The following ANO3 variants were observed in gnomAD, a reference collection of about 807,000 sequenced individuals.
ANO3 encodes the protein anoctamin 3, also known as anoctamin-3.
ANO3 carries 99 observed loss-of-function variants against 144.8 expected under a neutral mutation model. That is an observed-to-expected ratio of 0.68 (90% CI 0.58 to 0.81). The LOEUF is 0.81. Among genes scored for constraint, ANO3 ranks in the 30% least tolerant of loss-of-function variants. ANO3 has a pLI of 0.00. For synonymous variants in ANO3, 414 were observed against 392.6 expected (o/e 1.05, Z -0.64); for missense variants, 905 against 1,202.2 (o/e 0.75, Z 3.66).
At chr11:26,266,159 T>C (rs1320546264) in intron 1 of ANO3, among the ~76,000 whole-genome samples, 1 of 152,210 alleles carries the variant, frequency 6.6e-6, no homozygotes, top group East Asian at 1.9e-4. Flanking sequence ...GGATTTTTTT[T>C]CATCTACCTC....
intron 1 of ANO3, among the ~76,000 whole-genome samples, chr11:26,231,851 T>C (rs1286877665): frequency 6.6e-6 from 1 of 152,112 alleles, no homozygotes; most frequent in Non-Finnish European, 1.5e-5. Flanking sequence ...TTATTTGGAG[T>C]CAAACAGTCC....
At chr11:26,535,294 A>G in intron 9 of ANO3, among the ~76,000 whole-genome samples, 1 of 152,250 alleles carries the variant, frequency 6.6e-6, no homozygotes, top group East Asian at 1.9e-4. Context: ...ATGCTACAAC[A>G]TGTATAATAC....
upstream of ANO3, among the ~76,000 whole-genome samples, chr11:26,307,721 AAATAATAATAAT>A (rs56805697): frequency 4.0e-4 from 57 of 142,502 alleles, 1 homozygote; most frequent in African/African-American, 1.1e-3. Context: ...CTCCGTCTCT[AAATAATAATAAT>A]AATAATAATA....
At chr11:26,377,899 A>G (rs955802537) in intron 1 of ANO3, among the ~76,000 whole-genome samples, 1 of 152,162 alleles carries the variant, frequency 6.6e-6, no homozygotes, top group Non-Finnish European at 1.5e-5. Context: ...ATCACTGTCC[A>G]TGCAGAATTG....
At chr11:26,407,070 G>GTATATATATATATATA (rs202060948) in intron 1 of ANO3, among the ~76,000 whole-genome samples, 70 of 101,364 alleles carry the variant, frequency 6.9e-4, no homozygotes, top group Admixed American at 1.7e-3. Flanking sequence ...GTGTGTGTGT[G>GTATATATATATATATA]TGTGTGTATA....
At chr11:26,640,190 C>G (rs1853103424) in intron 21 of ANO3, among the ~76,000 whole-genome samples, 1 of 146,372 alleles carries the variant, frequency 6.8e-6, no homozygotes, top group South Asian at 2.3e-4. Flanking sequence ...CTTCTCTCTT[C>G]CTTGCTAAAT....
At chr11:26,624,519 TCACTCCTTAGTCAGAAAATAA>T in intron 18 of ANO3, 21 bp downstream of exon 18, 1 of 1,580,602 alleles carries the variant, frequency 6.3e-7, no homozygotes, top group Non-Finnish European at 8.7e-7. Context: ...TTTTCTTACT[TCACTCCTTAGTCAGAAAATAA>T]CATATGGGCA....
intron 20 of ANO3, 112 bp from the exon 21 acceptor site, chr11:26,639,032 C>G: frequency 1.5e-6 from 1 of 668,742 alleles, no homozygotes; most frequent in Non-Finnish European, 2.6e-6. Context: ...TTTCTTTATG[C>G]ATGAGATGGT....
intron 20 of ANO3, among the ~76,000 whole-genome samples, chr11:26,635,699 T>C (rs913349569): frequency 6.6e-6 from 1 of 152,236 alleles, no homozygotes; most frequent in Non-Finnish European, 1.5e-5. Flanking sequence ...GTTTCTATAA[T>C]TATGAATGAG....
At chr11:26,216,503 T>C (rs898528656) in intron 1 of ANO3, among the ~76,000 whole-genome samples, 1 of 152,022 alleles carries the variant, frequency 6.6e-6, no homozygotes, top group African/African-American at 2.4e-5. Flanking sequence ...AGTATCACCC[T>C]TCATTTATCC....
At chr11:26,408,647 A>C (rs1208118839) in intron 1 of ANO3, among the ~76,000 whole-genome samples, 3 of 150,200 alleles carry the variant, frequency 2.0e-5, no homozygotes, top group African/African-American at 7.3e-5. Flanking sequence ...AGGATTATAA[A>C]TCATGCTGCT....
chr11:26,533,867 T>C (rs293943), intron 8 of ANO3, among the ~76,000 whole-genome samples: 107,100 of 152,068 alleles, frequency 0.7, 38,112 homozygotes, highest in East Asian at 0.84. Flanking sequence ...AAACAGAAAA[T>C]GTCAGAAGTT....
intron 1 of ANO3, among the ~76,000 whole-genome samples, chr11:26,421,158 A>G (rs563644283): frequency 2.6e-5 from 4 of 152,180 alleles, no homozygotes; most frequent in East Asian, 1.9e-4. Context: ...AGAGGATGTT[A>G]TGGAAATTAA....
rs1025053955 is a variant in ANO3, at chr11:26,629,782, C to T, written c.1874-4422C>T. 7.9e-5 allele frequency among the ~76,000 whole-genome samples: 12 copies of T among 152,180 alleles called. No homozygotes were observed. The South Asian group carries it at 8.3e-4, about 11-fold the overall frequency. ...GAGTAGCTGGGATTACAGGCGTGCA[C>T]CTCCACGCCTGGCTAATTTTGTATT... is the stretch of plus-strand genomic sequence containing the variant. On this transcript the variant is annotated intron_variant, in intron 18 of 26. Coordinates refer to ENST00000256737, the MANE Select transcript of ANO3 (RefSeq NM_031418.4).
intron 9 of ANO3, among the ~76,000 whole-genome samples, chr11:26,535,212 T>C (rs1358209257): frequency 6.6e-6 from 1 of 152,180 alleles, no homozygotes; most frequent in Non-Finnish European, 1.5e-5. Context: ...TTTTTAGAGG[T>C]TACCTCTGGA....
chr11:26,320,669 C>T (rs1332367318), intron 1 of ANO3, among the ~76,000 whole-genome samples: 1 of 151,866 alleles, frequency 6.6e-6, no homozygotes, highest in Non-Finnish European at 1.5e-5. Context: ...GATGTTATAT[C>T]TTATTTATAA....
At chr11:26,626,619 C>T (rs757558504) in intron 18 of ANO3, among the ~76,000 whole-genome samples, 2 of 152,156 alleles carry the variant, frequency 1.3e-5, no homozygotes, top group Non-Finnish European at 2.9e-5. Flanking sequence ...CAAGTTCTTA[C>T]TGAGGGGAAA....
chr11:26,564,749 A>ATTTTCTT (rs1850487166), intron 14 of ANO3, among the ~76,000 whole-genome samples: 1 of 69,454 alleles, frequency 1.4e-5, no homozygotes, highest in Non-Finnish European at 2.7e-5. Context: ...ATATATATAT[A>ATTTTCTT]TATATATATA....
chr11:26,639,842 A>G (rs1315592388), intron 21 of ANO3, among the ~76,000 whole-genome samples: 1 of 152,202 alleles, frequency 6.6e-6, no homozygotes, highest in Non-Finnish European at 1.5e-5. Flanking sequence ...ATTAAAATAC[A>G]CTTTCCTTTA....
Sources: gnomAD v4.1 joint callset for allele counts (sites outside exome capture counted in the v4.1 genomes callset) on GRCh38, gnomAD v4.1.1 for gene constraint, MANE v1.5 for transcripts, NCBI Gene and HGNC (gene_info 2026-07-23, HGNC 2026-07-21) for gene names.